Variants in MORN2 observed in about 807,000 individuals in gnomAD.
MORN2 encodes the protein MORN repeat containing 2, also known as MORN repeat-containing protein 2.
A neutral mutation model predicts 13.4 loss-of-function variants in MORN2; 15 were observed. That is an observed-to-expected ratio of 1.12 (90% CI 0.75 to 1.72). The LOEUF (loss-of-function observed/expected upper bound fraction) is 1.72, where lower values mean the gene tolerates loss of function less well. Ranked by LOEUF, MORN2 falls within the 40% of genes most tolerant of loss-of-function variation. The pLI, the probability that MORN2 is intolerant of heterozygous loss-of-function variation, is 0.00. For synonymous variants in MORN2, 46 were observed against 43.6 expected, an observed-to-expected ratio of 1.06 and a Z score of -0.22; for missense variants, 168 against 134.6, an observed-to-expected ratio of 1.25 and a Z score of -1.23.
chr2:38,877,439 T>C (rs1336775185), intron 1 of MORN2, among the ~76,000 whole-genome samples: 2 of 152,086 alleles, frequency 1.3e-5, no homozygotes, highest in Non-Finnish European at 2.9e-5. Context: ...TACTTCACCC[T>C]TTATCCACAA....
At chr2:38,878,216 C>A (rs1047600068) in intron 1 of MORN2, among the ~76,000 whole-genome samples, 4 of 152,006 alleles carry the variant, frequency 2.6e-5, no homozygotes, top group Non-Finnish European at 5.9e-5. Flanking sequence ...TTTTTAGAAT[C>A]CACTGTTGCT....
rs199803653 is a variant in MORN2 at position 38,880,634 on chromosome 2, C to T, written c.144C>T (p.Tyr48=). The T allele has an allele frequency of 1.7e-3, 2,576 of 1,542,360 alleles. 5 individuals carry two copies. Among genetic ancestry groups the T allele is most frequent in the Middle Eastern group, 8.4e-3 (50 of 5,958 alleles). Residue 48 remains tyrosine (Y), a synonymous_variant, in exon 3 of 5, where the codon TAC becomes TAT. Coordinates refer to ENST00000644631, the MANE Select transcript of MORN2 (RefSeq NM_001145450.3). ...GTACAAGAACATCTTCTGGAATCTACGAGAGAAATGGAATAGGTATTCATA... is the reference window on the plus strand; with the variant it reads ...GTACAAGAACATCTTCTGGAATCTATGAGAGAAATGGAATAGGTATTCATA...
chr2:38,880,328 A>G (rs1304804591), intron 2 of MORN2, 99 bp downstream of exon 2: 7 of 399,104 alleles, frequency 1.8e-5, no homozygotes, highest in Non-Finnish European at 3.1e-5. Flanking sequence ...CTATTAGGAT[A>G]TTAACTTTAT....
At chr2:38,878,868 A>T (rs1342180977) in intron 1 of MORN2, among the ~76,000 whole-genome samples, 1 of 152,176 alleles carries the variant, frequency 6.6e-6, no homozygotes, top group Non-Finnish European at 1.5e-5. Context: ...ATTAATTTTT[A>T]AATTCCCTTG....
chr2:38,878,610 A>G lies in MORN2; in HGVS notation c.59-1569A>G, dbSNP rs188409654. On this transcript the variant is annotated intron_variant, in intron 1 of 4. Coordinates refer to ENST00000644631, the MANE Select transcript of MORN2 (RefSeq NM_001145450.3). ...ATTTTTCAACCTAATGTTCCAGTTC[A>G]CTAATTTGTTTTCAATTGTATCTAT... is the stretch of plus-strand genomic sequence containing the variant. Among the ~76,000 whole-genome samples, 99 of 152,122 alleles carry G rather than the reference A, an allele frequency of 6.5e-4. 2 individuals carry two copies. The highest frequency in any genetic ancestry group is 4.3e-3 in the Admixed American group (65 of 15,274).
Position 38,880,668 on chromosome 2 carries a change from A to G in MORN2, c.178A>G (p.Asn60Asp). The G allele has an allele frequency of 6.5e-7, 1 of 1,550,062 alleles. No homozygotes were observed. The change falls in exon 3 of 5, where the codon AAT becomes GAT. Residue 60 changes from asparagine to aspartate, a missense_variant. Asn to Asp is a conservative substitution (Grantham distance 23). Transcript: ENST00000644631. ...TGGAATAGGTATTCATACCACTCCT[A>G]ATGGGATTGTCTACACAGGAAGCTG...
intron 1 of MORN2, among the ~76,000 whole-genome samples, chr2:38,877,193 G>C (rs1217968130): frequency 1.3e-5 from 2 of 152,156 alleles, no homozygotes; most frequent in Non-Finnish European, 2.9e-5. Context: ...GTGAACCCGG[G>C]AGGCGGAGGT....
At chr2:38,880,559 C>G in intron 2 of MORN2, 41 bp from the exon 3 acceptor site, 3 of 1,356,636 alleles carry the variant, frequency 2.2e-6, no homozygotes, top group Non-Finnish European at 3.0e-6. Context: ...CCAGACATAA[C>G]TATTCTCATT....
chr2:38,881,635 T>G, intron 4 of MORN2, 57 bp downstream of exon 4: 26 of 1,245,356 alleles, frequency 2.1e-5, no homozygotes, highest in Non-Finnish European at 2.6e-5. Flanking sequence ...TTCTGGTATG[T>G]TTGCTTAAAT....
chr2:38,879,003 A>T (rs1457411164), intron 1 of MORN2, among the ~76,000 whole-genome samples: 5 of 152,216 alleles, frequency 3.3e-5, no homozygotes, highest in African/African-American at 1.2e-4. Context: ...GTATCGGAAA[A>T]TACAGTTTCT....
intron 1 of MORN2, among the ~76,000 whole-genome samples, chr2:38,877,613 G>C (rs1665677731): frequency 1.3e-5 from 2 of 151,864 alleles, no homozygotes; most frequent in Admixed American, 1.3e-4. Context: ...GATATTACCT[G>C]AGTTTTAGTT....
intron 4 of MORN2, among the ~76,000 whole-genome samples, chr2:38,881,841 G>A (rs1016619107): frequency 6.6e-6 from 1 of 152,154 alleles, no homozygotes; most frequent in African/African-American, 2.4e-5. Flanking sequence ...AGTAGGGACG[G>A]GGTTTCACCG....
rs1367728541 is a variant in MORN2 at position 38,881,529 on chromosome 2, T to TA, written c.305dup (p.Tyr102Ter). 1.1e-5 allele frequency: 17 copies of TA among 1,541,980 alleles called. No homozygotes were observed. The Admixed American group carries it at 2.6e-4, about 24-fold the overall frequency. The change falls in exon 4 of 5, where the codon TAC becomes TAAC. Residue 102 changes from tyrosine to a stop codon, truncating the protein, a stop_gained and frameshift_variant. Coordinates refer to ENST00000644631, the MANE Select transcript of MORN2 (RefSeq NM_001145450.3). LOFTEE classifies it high-confidence loss of function. ...TAATATGTTTCATGGACTGGGGACT[T>TA]ACACATTCCCAAATGGGGCAAAGTA... is the stretch of plus-strand genomic sequence containing the variant.
intron 4 of MORN2, among the ~76,000 whole-genome samples, chr2:38,881,863 C>G (rs1665784688): frequency 6.6e-6 from 1 of 152,206 alleles, no homozygotes; most frequent in Non-Finnish European, 1.5e-5. Context: ...GTTGAGCAGG[C>G]TGGTCTAGAA....
intron 1 of MORN2, among the ~76,000 whole-genome samples, chr2:38,877,215 G>A (rs1665656854): frequency 6.6e-6 from 1 of 152,038 alleles, no homozygotes; most frequent in Non-Finnish European, 1.5e-5. Context: ...GCAGTGAGAC[G>A]AGATCAAGCC....
chr2:38,878,536 AT>A (rs886287794), intron 1 of MORN2, among the ~76,000 whole-genome samples: 6 of 151,316 alleles, frequency 4.0e-5, no homozygotes, highest in Admixed American at 2.6e-4. Context: ...TAATTAAAAA[AT>A]TTTTTTTCCA....
chr2:38,879,389 T>A (rs959972401), intron 1 of MORN2, among the ~76,000 whole-genome samples: 1 of 152,170 alleles, frequency 6.6e-6, no homozygotes, highest in African/African-American at 2.4e-5. Context: ...TACATGTCCA[T>A]GAACTGATGA....
chr2:38,880,603 G>A lies in MORN2; in HGVS notation c.113G>A (p.Gly38Asp). Residue 38 changes from glycine to aspartate, a missense_variant, in exon 3 of 5, where the codon GGT (glycine) becomes GAT (aspartate). Physicochemically the swap from Gly to Asp is moderately conservative, Grantham distance 94. Transcript: ENST00000644631. Reference sequence around the variant, plus strand: ...TCAGTTTTTCTCCTCTGTTTAGATGGTGACTGTACAAGAACATCTTCTGGA... The same window carrying A: ...TCAGTTTTTCTCCTCTGTTTAGATGATGACTGTACAAGAACATCTTCTGGA... 6.6e-7 allele frequency: 1 copy of A among 1,525,986 alleles called. No individual in the cohort carries two copies. Among genetic ancestry groups the A allele is most frequent in the African/African-American group, 1.4e-5 (1 of 72,138 alleles). The allele number at this position is 1,525,986 out of a possible 1,614,324, so 94.5% of individuals were successfully genotyped here. A position where few individuals can be genotyped will look rare whatever the true frequency, so the allele number is the denominator to read the frequency against.
intron 3 of MORN2, 55 bp from the exon 4 acceptor site, chr2:38,881,387 G>T: frequency 1.4e-6 from 2 of 1,461,812 alleles, no homozygotes; most frequent in Non-Finnish European, 1.8e-6. Context: ...ATTTTTTAAA[G>T]GTTCTTGGGA....
Sources: gnomAD v4.1 joint callset for allele counts (sites outside exome capture counted in the v4.1 genomes callset) on GRCh38, gnomAD v4.1.1 for gene constraint, MANE v1.5 for transcripts, NCBI Gene and HGNC (gene_info 2026-07-23, HGNC 2026-07-21) for gene names.